Variants in MED15 observed in about 807,000 individuals in gnomAD.
MED15 encodes mediator of RNA polymerase II transcription subunit 15.
In MED15, 41 loss-of-function variants were observed where a neutral mutation model predicts 118.7. The ratio of observed to expected loss-of-function variants is 0.35; its 90% CI spans 0.27 to 0.45. The LOEUF (loss-of-function observed/expected upper bound fraction) is 0.45. MED15 is among the 20% of genes least tolerant of loss of function. The pLI, the probability that MED15 is intolerant of heterozygous loss-of-function variation, is 1.00. For synonymous variants in MED15, 436 were observed against 413.9 expected, an observed-to-expected ratio of 1.05 and a Z score of -0.65; for missense variants, 740 against 1,025.5, an observed-to-expected ratio of 0.72 and a Z score of 3.80.
intron 1 of MED15, among the ~76,000 whole-genome samples, chr22:20,521,378 T>C (rs1278038460): frequency 6.6e-6 from 1 of 151,234 alleles, no homozygotes; most frequent in African/African-American, 2.4e-5. Context: ...ATTACAGGCA[T>C]GAGCCACCAT....
chr22:20,551,264 A>G, intron 2 of MED15, 172 bp from the exon 3 acceptor site: 1 of 753,568 alleles, frequency 1.3e-6, no homozygotes, highest in East Asian at 2.5e-5. Flanking sequence ...CTAGCTGAGC[A>G]CTGACGGCTC....
rs2056454602 is a variant in MED15, at chr22:20,566,687, A to G, written c.911A>G (p.Gln304Arg). ...ACACAGCACCACCAGCCGCCACCAC[A>G]GCCCCAGCAGCCTCCAGTTGCTCAG... ...HHTQHHQPPP[Q>R]PQQPPVAQNQ... The change falls in exon 7 of 18, where the codon CAG becomes CGG. Residue 304 changes from glutamine (Q) to arginine (R), a missense_variant. Around this residue, in one of 7 missense-constraint regions of MED15, gnomAD observed 384 missense variants for 506.3 expected, o/e 0.76. Coordinates refer to ENST00000263205, the MANE Select transcript of MED15 (RefSeq NM_001003891.3). The G allele has an allele frequency of 6.2e-7, 1 of 1,614,062 alleles. No homozygotes were observed. The highest frequency in any genetic ancestry group is 8.5e-7 in the Non-Finnish European group (1 of 1,180,002).
chr22:20,525,530 C>CTTTT (rs753248152), intron 1 of MED15, among the ~76,000 whole-genome samples: 6 of 113,314 alleles, frequency 5.3e-5, no homozygotes, highest in East Asian at 2.8e-4. Flanking sequence ...TGACCTTTCT[C>CTTTT]TTTTTTTTTT....
At chr22:20,518,575 A>T (rs2054334663) in intron 1 of MED15, among the ~76,000 whole-genome samples, 1 of 152,188 alleles carries the variant, frequency 6.6e-6, no homozygotes, top group Non-Finnish European at 1.5e-5. Flanking sequence ...ACACGAACTG[A>T]ACAGATTAAC....
At chr22:20,584,055 A>T (rs1443527203) in intron 13 of MED15, 1 of 414,560 alleles carries the variant, frequency 2.4e-6, no homozygotes, top group African/African-American at 2.0e-5. Context: ...ATCCTTTGTT[A>T]GGGTTATAGG....
In MED15 at chr22:20,575,648, G is replaced by A. The variant is rs1030446480; in HGVS notation, c.1272+416G>A. ...ACACCTCAGGAGGCCGAGATGGGAG[G>A]ATCACTTGAGGCCAGGAGTTTGAGA... On this transcript the variant is annotated intron_variant, in intron 9 of 17. Transcript: ENST00000263205. 5.3e-5 allele frequency among the ~76,000 whole-genome samples: 8 copies of A among 151,778 alleles called. No homozygotes were observed. In the East Asian group the frequency reaches 1.5e-3, roughly 29 times the overall value.
At position 20,582,595 on chromosome 22, in the gene MED15, G is replaced by A. The variant is rs1467314997; in HGVS notation, c.1273-16G>A. The A allele has an allele frequency of 6.5e-7, 1 of 1,541,532 alleles. No homozygotes were observed. The highest frequency in any genetic ancestry group is 1.4e-5 in the African/African-American group (1 of 73,160). ...GGGCGTGTGGCAGCGCGCCGGCTGA[G>A]CCCCTCCACTTCCAGGTCAGCCAGA... On this transcript the variant is annotated splice_polypyrimidine_tract_variant and intron_variant, in intron 9 of 17. Coordinates refer to ENST00000263205, the MANE Select transcript of MED15 (RefSeq NM_001003891.3).
At chr22:20,583,990 T>A (rs1569253158) in intron 13 of MED15, 2 of 295,466 alleles carry the variant, frequency 6.8e-6, no homozygotes, top group Admixed American at 4.6e-5. Flanking sequence ...CTGTTCTGCT[T>A]GTCTGGATAG....
intron 7 of MED15, among the ~76,000 whole-genome samples, chr22:20,567,313 C>T (rs1232615567): frequency 6.6e-6 from 1 of 152,110 alleles, no homozygotes; most frequent in African/African-American, 2.4e-5. Context: ...TACTGTTATT[C>T]CTAGTTTCAT....
At chr22:20,582,300 T>C (rs2057010206) in intron 9 of MED15, 3 of 475,918 alleles carry the variant, frequency 6.3e-6, no homozygotes, top group South Asian at 2.4e-5. Context: ...GCCAAGGGCA[T>C]TGCCTCCCAG....
chr22:20,567,635 G>A (rs958609419), intron 7 of MED15, among the ~76,000 whole-genome samples: 1 of 152,132 alleles, frequency 6.6e-6, no homozygotes, highest in Non-Finnish European at 1.5e-5. Context: ...ACCCTTGTGT[G>A]CTGCATGGTG....
chr22:20,523,844 C>G lies in MED15; in HGVS notation c.69-13273C>G, dbSNP rs1002274907. 7.1e-6 allele frequency: 7 copies of G among 985,148 alleles called. No individual in the cohort carries two copies. The African/African-American group carries it at 1.2e-4, about 17-fold the overall frequency. 61.0% of individuals were successfully genotyped at this position (985,148 alleles called of 1,614,324 possible). On this transcript the variant is annotated intron_variant, in intron 1 of 17. Coordinates refer to ENST00000263205, the MANE Select transcript of MED15 (RefSeq NM_001003891.3). ...CAGTACACAGTTTGAAGGGCAGCAG[C>G]CTTTTCTGCAGGTTAGTTCTTTCAA...
Position 20,586,966 on chromosome 22 carries a change from C to G in MED15, c.*262C>G. 1.8e-6 allele frequency: 1 copy of G among 547,994 alleles called. No individual in the cohort carries two copies. The highest frequency in any genetic ancestry group is 3.3e-6 in the Non-Finnish European group (1 of 306,866). 33.9% of individuals were successfully genotyped at this position (547,994 alleles called of 1,614,324 possible). A position where few individuals can be genotyped will look rare whatever the true frequency, so the allele number is the denominator to read the frequency against. On this transcript the variant is annotated 3_prime_UTR_variant, in exon 18 of 18. Coordinates refer to ENST00000263205, the MANE Select transcript of MED15 (RefSeq NM_001003891.3). ...GTGACTTCCTCCCAGGAGCCAGATG[C>G]GATCCTCAGGCTGCTCTCACCGTGG... is the stretch of plus-strand genomic sequence containing the variant.
At chr22:20,566,303 G>A (rs2056436547) in intron 6 of MED15, among the ~76,000 whole-genome samples, 164 bp from the exon 7 acceptor site, 1 of 152,080 alleles carries the variant, frequency 6.6e-6, no homozygotes, top group Non-Finnish European at 1.5e-5. Context: ...GCCTCCCAAA[G>A]TGCTGGGATT....
At chr22:20,548,742 C>T (rs1283946267) in intron 2 of MED15, among the ~76,000 whole-genome samples, 2 of 152,212 alleles carry the variant, frequency 1.3e-5, no homozygotes, top group Non-Finnish European at 2.9e-5. Flanking sequence ...CTTGTGTTCA[C>T]TCCACAATAT....
intron 1 of MED15, among the ~76,000 whole-genome samples, chr22:20,535,930 T>G (rs1242710425): frequency 7.1e-6 from 1 of 141,550 alleles, no homozygotes; most frequent in Non-Finnish European, 1.5e-5. Context: ...CAGGCTGGAG[T>G]GCAGTGGCGC....
In MED15 at chr22:20,586,811, C is replaced by T; in HGVS notation, c.*107C>T. 1 of 1,459,354 alleles carries T rather than the reference C, an allele frequency of 6.9e-7. No homozygotes were observed. The highest frequency in any genetic ancestry group is 1.3e-5 in the South Asian group (1 of 78,548). 90.4% of individuals were successfully genotyped at this position (1,459,354 alleles called of 1,614,324 possible). On this transcript the variant is annotated 3_prime_UTR_variant, in exon 18 of 18. Transcript: ENST00000263205. Reference sequence around the variant, plus strand: ...CTTAGAGAGCCTGGGGTTAGGTTAGCTTTCCTGCTTTTATCTTCTGCCTTG... The same window carrying T: ...CTTAGAGAGCCTGGGGTTAGGTTAGTTTTCCTGCTTTTATCTTCTGCCTTG...
At chr22:20,540,358 A>G (rs1190277559) in intron 2 of MED15, among the ~76,000 whole-genome samples, 1 of 152,212 alleles carries the variant, frequency 6.6e-6, no homozygotes, top group Non-Finnish European at 1.5e-5. Flanking sequence ...GGGTAACTAC[A>G]TACAAAATAT....
rs2057049753 is a variant in MED15, at chr22:20,583,527, G to C, written c.1736+134G>C. On this transcript the variant is annotated intron_variant, in intron 13 of 17. Transcript: ENST00000263205. ...TGGACCCTGGCCAGAGGCCTCCAAG[G>C]CTCCACTCTGGTGTGTGCTGGGGCT... 2.9e-6 allele frequency: 3 copies of C among 1,032,486 alleles called. No individual in the cohort carries two copies. The African/African-American group carries it at 4.8e-5, about 16-fold the overall frequency. The allele number at this position is 1,032,486 out of a possible 1,614,324, so 64.0% of individuals were successfully genotyped here. A position where few individuals can be genotyped will look rare whatever the true frequency, so the allele number is the denominator to read the frequency against.
Sources: gnomAD v4.1 joint callset for allele counts (sites outside exome capture counted in the v4.1 genomes callset) on GRCh38, gnomAD v4.1.1 for gene constraint, gnomAD v4.1.1 regional missense constraint, MANE v1.5 for transcripts, NCBI Gene and HGNC (gene_info 2026-07-23, HGNC 2026-07-21) for gene names.